The following ELMO1 variants were observed in gnomAD, a reference collection of about 807,000 sequenced individuals.
ELMO1 encodes the protein engulfment and cell motility protein 1.
ELMO1 carries 26 observed loss-of-function variants against 98.9 expected under a neutral mutation model. That is an observed-to-expected ratio of 0.26 (90% CI 0.19 to 0.36). The LOEUF (loss-of-function observed/expected upper bound fraction) is 0.36. ELMO1 is among the 10% of genes least tolerant of loss of function. The pLI is 1.00. For synonymous variants in ELMO1, 346 were observed against 346.0 expected, an observed-to-expected ratio of 1.00 and a Z score of 0.00; for missense variants, 627 against 935.2, an observed-to-expected ratio of 0.67 and a Z score of 4.30.
chr7:37,138,828 A>C (rs1787433558), intron 13 of ELMO1, among the ~76,000 whole-genome samples: 1 of 152,218 alleles, frequency 6.6e-6, no homozygotes, highest in Non-Finnish European at 1.5e-5. Flanking sequence ...ATCCTCAATA[A>C]AATACTAGTG....
chr7:37,373,409 C>T (rs1027154108), intron 1 of ELMO1, among the ~76,000 whole-genome samples: 2 of 152,162 alleles, frequency 1.3e-5, no homozygotes, highest in Non-Finnish European at 1.5e-5. Flanking sequence ...GAGTTTGAGA[C>T]CAGCCTGGCC....
intron 18 of ELMO1, among the ~76,000 whole-genome samples, chr7:36,878,552 T>G (rs1016688697): frequency 6.6e-6 from 1 of 152,228 alleles, no homozygotes; most frequent in Non-Finnish European, 1.5e-5. Flanking sequence ...GAGACAGTTG[T>G]GTCCAAGGCC....
intron 13 of ELMO1, among the ~76,000 whole-genome samples, chr7:37,181,976 A>C (rs1432490834): frequency 6.6e-6 from 1 of 152,202 alleles, no homozygotes; most frequent in African/African-American, 2.4e-5. Flanking sequence ...GTGTATGCCA[A>C]CATATAAGCT....
At chr7:37,124,296 A>G (rs1786328506) in intron 14 of ELMO1, among the ~76,000 whole-genome samples, 1 of 152,220 alleles carries the variant, frequency 6.6e-6, no homozygotes. Context: ...GCAATCAGGC[A>G]GGAGAAAGAA....
At chr7:37,054,246 C>T (rs1796277574) in intron 15 of ELMO1, among the ~76,000 whole-genome samples, 1 of 152,172 alleles carries the variant, frequency 6.6e-6, no homozygotes, top group Non-Finnish European at 1.5e-5. Context: ...CTCTTTTAAT[C>T]ATCAAAACCT....
chr7:37,213,206 C>G (rs961397034), intron 12 of ELMO1, 129 bp downstream of exon 12: 56 of 1,253,036 alleles, frequency 4.5e-5, no homozygotes, highest in Non-Finnish European at 5.7e-5. Context: ...CCCCTAAGTT[C>G]TGAGATGATA....
intron 11 of ELMO1, among the ~76,000 whole-genome samples, chr7:37,214,130 T>C (rs992494532): frequency 2.0e-5 from 3 of 152,050 alleles, no homozygotes; most frequent in Middle Eastern, 3.2e-3. Flanking sequence ...ACTGGATAGG[T>C]CCACCCCCAA....
Position 36,995,863 on chromosome 7 carries a change from A to G in ELMO1, c.1437+17436T>C, listed in dbSNP as rs140637110. ...AGATAATCTACAAATGAGATAATCA[A>G]TGTTGGTGAATTTCCAACATTGAGC... On this transcript the variant is annotated intron_variant, in intron 16 of 21. Transcript: ENST00000310758. 1.3e-4 allele frequency among the ~76,000 whole-genome samples: 20 copies of G among 152,310 alleles called. No individual in the cohort carries two copies. In the East Asian group the frequency reaches 3.5e-3, roughly 26 times the overall value.
At chr7:36,905,361 C>G (rs964527599) in intron 16 of ELMO1, among the ~76,000 whole-genome samples, 1 of 152,128 alleles carries the variant, frequency 6.6e-6, no homozygotes, top group African/African-American at 2.4e-5. Context: ...CTTTCTTGCA[C>G]CTAAGTTCTG....
At chr7:36,929,846 C>T (rs899960795) in intron 16 of ELMO1, among the ~76,000 whole-genome samples, 3 of 152,182 alleles carry the variant, frequency 2.0e-5, no homozygotes, top group African/African-American at 4.8e-5. Context: ...AGAGCTTGTC[C>T]GGTCCATGAG....
intron 7 of ELMO1, among the ~76,000 whole-genome samples, chr7:37,239,110 T>C (rs1373737231): frequency 2.0e-5 from 3 of 152,208 alleles, no homozygotes; most frequent in African/African-American, 4.8e-5. Context: ...TAATATATAA[T>C]ATAGAATTCA....
intron 11 of ELMO1, among the ~76,000 whole-genome samples, chr7:37,214,944 C>G (rs1193825098): frequency 6.6e-6 from 1 of 152,200 alleles, no homozygotes; most frequent in African/African-American, 2.4e-5. Flanking sequence ...CATTCTAACC[C>G]TGACTCCCAC....
intron 16 of ELMO1, among the ~76,000 whole-genome samples, chr7:36,965,691 A>G (rs1198413276): frequency 6.6e-6 from 1 of 152,122 alleles, no homozygotes; most frequent in Non-Finnish European, 1.5e-5. Context: ...TCTATAAAAA[A>G]CCTAATCCCA....
At chr7:37,421,841 T>C (rs1804486353) in intron 1 of ELMO1, among the ~76,000 whole-genome samples, 1 of 152,086 alleles carries the variant, frequency 6.6e-6, no homozygotes, top group African/African-American at 2.4e-5. Flanking sequence ...TTTTCATTGG[T>C]CAAAACTGGC....
At chr7:37,408,970 A>G (rs1423809579) in intron 1 of ELMO1, among the ~76,000 whole-genome samples, 1 of 152,228 alleles carries the variant, frequency 6.6e-6, no homozygotes, top group East Asian at 1.9e-4. Context: ...TGACTTTCAC[A>G]GAATAATCTG....
intron 13 of ELMO1, among the ~76,000 whole-genome samples, chr7:37,180,698 C>T (rs879358928): frequency 7.2e-5 from 11 of 152,062 alleles, no homozygotes; most frequent in Non-Finnish European, 1.3e-4. Context: ...TACGTACCTA[C>T]TAAGTATTTA....
chr7:36,889,819 T>C (rs888521437), intron 17 of ELMO1, among the ~76,000 whole-genome samples: 3 of 152,194 alleles, frequency 2.0e-5, no homozygotes, highest in Non-Finnish European at 4.4e-5. Flanking sequence ...CTCCCCGCTT[T>C]TTTTTTGTTA....
At chr7:36,856,261 C>G (rs1802189624) in intron 21 of ELMO1, among the ~76,000 whole-genome samples, 1 of 152,232 alleles carries the variant, frequency 6.6e-6, no homozygotes, top group Admixed American at 6.5e-5. Context: ...AATGACAGCC[C>G]TGTCCCACCC....
chr7:37,144,052 CATT>C (rs1354893993), intron 13 of ELMO1, among the ~76,000 whole-genome samples: 1 of 152,104 alleles, frequency 6.6e-6, no homozygotes, highest in Admixed American at 6.5e-5. Flanking sequence ...CCCCCTCAGA[CATT>C]ATAACAGACC....
Sources: gnomAD v4.1 joint callset for allele counts (sites outside exome capture counted in the v4.1 genomes callset) on GRCh38, gnomAD v4.1.1 for gene constraint, MANE v1.5 for transcripts, NCBI Gene and HGNC (gene_info 2026-07-23, HGNC 2026-07-21) for gene names.